The following ARK2C variants were observed in gnomAD, a reference collection of about 807,000 sequenced individuals.
The protein encoded by ARK2C is arkadia (RNF111) C-terminal like ring finger ubiquitin ligase 2C, also known as E3 ubiquitin-protein ligase ARK2C.
the ARK2C span, among the ~76,000 whole-genome samples, chr18:46,417,390 C>T: frequency 6.6e-6 from 1 of 152,258 alleles, no homozygotes; most frequent in African/African-American, 2.4e-5. Context: ...ATCAGTATCA[C>T]CTAAACTCCT....
At chr18:46,433,141 G>C in the ARK2C span, 1 of 1,440,232 alleles carries the variant, frequency 6.9e-7, no homozygotes, top group Non-Finnish European at 9.3e-7. Context: ...TCAGTGTGGC[G>C]GCCGCTCGTG....
the ARK2C span, among the ~76,000 whole-genome samples, chr18:46,419,143 G>A: frequency 3.3e-5 from 5 of 152,162 alleles, no homozygotes; most frequent in Non-Finnish European, 7.3e-5. Flanking sequence ...GCTGCCCTTG[G>A]GTGGCCTGTT....
At chr18:46,429,631 C>T in the ARK2C span, among the ~76,000 whole-genome samples, 2 of 152,116 alleles carry the variant, frequency 1.3e-5, no homozygotes, top group Non-Finnish European at 2.9e-5. Context: ...GTTTCTTAAA[C>T]AACTTTTTCT....
At chr18:46,447,577 ATGCTGGCTTGAGTCC>A in the ARK2C span, 1 of 1,614,016 alleles carries the variant, frequency 6.2e-7, no homozygotes, top group Non-Finnish European at 8.5e-7. Context: ...CTCAGTGTGG[ATGCTGGCTTGAGTCC>A]TGCTCAGTTC....
chr18:46,378,852 G>A, the ARK2C span, among the ~76,000 whole-genome samples: 1 of 152,170 alleles, frequency 6.6e-6, no homozygotes, highest in Non-Finnish European at 1.5e-5. Flanking sequence ...GCAGGATAGA[G>A]AGGTGCCCCT....
At chr18:46,442,535 C>A in the ARK2C span, among the ~76,000 whole-genome samples, 1,832 of 152,102 alleles carry the variant, frequency 0.012, 19 homozygotes, top group Middle Eastern at 0.037. Context: ...AATTCTAATC[C>A]TTTTATATTT....
chr18:46,398,551 G>A, the ARK2C span, among the ~76,000 whole-genome samples: 3 of 151,994 alleles, frequency 2.0e-5, no homozygotes, highest in East Asian at 3.9e-4. Context: ...GAGTGTGGCC[G>A]GGACTTTAGT....
chr18:46,392,374 T>A, the ARK2C span, among the ~76,000 whole-genome samples: 7 of 152,266 alleles, frequency 4.6e-5, no homozygotes, highest in Admixed American at 2.6e-4. Flanking sequence ...TGTCCTGGTG[T>A]CCACTCTGTA....
At chr18:46,371,326 G>T in the ARK2C span, among the ~76,000 whole-genome samples, 2 of 152,082 alleles carry the variant, frequency 1.3e-5, no homozygotes, top group East Asian at 1.9e-4. Flanking sequence ...CCTGGCCAAC[G>T]AGATGGCCCA....
the ARK2C span, among the ~76,000 whole-genome samples, chr18:46,439,804 C>T: frequency 6.6e-6 from 1 of 152,216 alleles, no homozygotes; most frequent in Admixed American, 6.5e-5. Flanking sequence ...ATGACATCAA[C>T]TCATGGCCAG....
the ARK2C span, among the ~76,000 whole-genome samples, chr18:46,342,461 C>T: frequency 4.6e-5 from 7 of 152,242 alleles, no homozygotes; most frequent in Non-Finnish European, 1.0e-4. Context: ...CTGAGCCTTG[C>T]ACATCCCAAA....
At chr18:46,431,052 C>T in the ARK2C span, among the ~76,000 whole-genome samples, 7 of 152,122 alleles carry the variant, frequency 4.6e-5, no homozygotes, top group Non-Finnish European at 1.0e-4. Flanking sequence ...TTGCCCCCCA[C>T]CCCTGGACAG....
chr18:46,437,711 A>G, the ARK2C span, among the ~76,000 whole-genome samples: 1 of 152,150 alleles, frequency 6.6e-6, no homozygotes, highest in Non-Finnish European at 1.5e-5. Context: ...GCCCATGCCT[A>G]ATAACTTGAT....
At chr18:46,345,162 G>A in the ARK2C span, among the ~76,000 whole-genome samples, 94 of 152,338 alleles carry the variant, frequency 6.2e-4, 1 homozygote, top group Non-Finnish European at 1.1e-3. Flanking sequence ...CAGAGGGATA[G>A]GGCAGCAAGG....
At chr18:46,352,879 G>A in the ARK2C span, among the ~76,000 whole-genome samples, 1 of 152,226 alleles carries the variant, frequency 6.6e-6, no homozygotes, top group African/African-American at 2.4e-5. Flanking sequence ...GGTCATCTCT[G>A]CCTCAGTTGG....
chr18:46,453,223 G>A, the ARK2C span, among the ~76,000 whole-genome samples: 6 of 152,198 alleles, frequency 3.9e-5, no homozygotes, highest in Non-Finnish European at 5.9e-5. Flanking sequence ...GGAAATGGCA[G>A]CATTTCAGTA....
chr18:46,451,072 A>G, the ARK2C span, among the ~76,000 whole-genome samples: 1 of 152,240 alleles, frequency 6.6e-6, no homozygotes, highest in Non-Finnish European at 1.5e-5. Context: ...GGTATATTAC[A>G]TACATATACA....
At chr18:46,385,485 G>A in the ARK2C span, among the ~76,000 whole-genome samples, 29 of 152,308 alleles carry the variant, frequency 1.9e-4, no homozygotes, top group African/African-American at 4.8e-4. Context: ...CTTTTCTAGC[G>A]TGGCTCTACT....
chr18:46,384,863 A>G, the ARK2C span, among the ~76,000 whole-genome samples: 1 of 152,224 alleles, frequency 6.6e-6, no homozygotes, highest in South Asian at 2.1e-4. Context: ...CAAAAATAAA[A>G]TAAAACAAAA....
Sources: allele counts gnomAD v4.1 joint callset (sites outside exome capture counted in the v4.1 genomes callset), GRCh38; gene constraint gnomAD v4.1.1; transcripts MANE v1.5; gene names NCBI Gene and HGNC (gene_info 2026-07-23, HGNC 2026-07-21).